The following SV2C variants were observed in gnomAD, a reference collection of about 807,000 sequenced individuals.
SV2C encodes synaptic vesicle glycoprotein 2C, also known as solute carrier family 22 member B3.
A neutral mutation model predicts 79.7 loss-of-function variants in SV2C; 49 were observed. The observed-to-expected ratio is 0.61, with a 90% CI of 0.49 to 0.78. SV2C has a LOEUF of 0.78. Ranked by LOEUF, SV2C falls within the 30% of genes least tolerant of loss-of-function variation. The probability of loss-of-function intolerance (pLI) is 0.00; values close to 1 mark genes in which losing one functional copy is unlikely to be tolerated. For synonymous variants in SV2C, 334 were observed against 333.2 expected (o/e 1.00, Z -0.03); for missense variants, 833 against 912.9 (o/e 0.91, Z 1.13).
At chr5:76,030,909 T>C in the SV2C span, among the ~76,000 whole-genome samples, 6 of 152,274 alleles carry the variant, frequency 3.9e-5, 1 homozygote, top group South Asian at 1.2e-3. Context: ...TAGTTAATAA[T>C]AAGTATGATA....
Position 76,205,402 on chromosome 5 carries a change from C to T in SV2C, c.762-4334C>T, listed in dbSNP as rs573202826. ...TTGAATCTGGCTAATCTCACACCTACGTAGAGTGTGAATTTCTATTATTAT... is the reference window on the plus strand; with the variant it reads ...TTGAATCTGGCTAATCTCACACCTATGTAGAGTGTGAATTTCTATTATTAT... On this transcript the variant is annotated intron_variant, in intron 3 of 12. Transcript: ENST00000502798. 1.1e-3 allele frequency among the ~76,000 whole-genome samples: 161 copies of T among 152,104 alleles called. 2 individuals are homozygous for T. Among genetic ancestry groups the T allele is most frequent in the Non-Finnish European group, 2.1e-3 (145 of 68,010 alleles).
the SV2C span, among the ~76,000 whole-genome samples, chr5:76,054,209 G>C: frequency 5.9e-5 from 9 of 152,208 alleles, no homozygotes; most frequent in African/African-American, 2.2e-4. Flanking sequence ...TGTTCCCATT[G>C]TTCCACACCC....
At chr5:76,001,482 G>C in the SV2C span, among the ~76,000 whole-genome samples, 1 of 151,832 alleles carries the variant, frequency 6.6e-6, no homozygotes, top group African/African-American at 2.4e-5. Context: ...GGCACCTGTG[G>C]TCCCAGCTAC....
intron 8 of SV2C, among the ~76,000 whole-genome samples, chr5:76,294,516 G>T (rs2112510950): frequency 6.6e-6 from 1 of 152,192 alleles, no homozygotes. Context: ...TGACCAGGCT[G>T]GTCTCGATCT....
At position 76,173,543 on chromosome 5, in the gene SV2C, A is replaced by T. The variant is rs1485798242; in HGVS notation, c.581-21376A>T. ...AGGAAAGTCCATTTAAGATGTTGGT[A>T]GGTTTAACAAAGTTGGAATGCTGGC... On this transcript the variant is annotated intron_variant, in intron 2 of 12. Transcript: ENST00000502798. The T allele has an allele frequency of 5.3e-6, 7 of 1,313,584 alleles. No homozygotes were observed. The African/African-American group carries it at 1.0e-4, about 19-fold the overall frequency. 81.4% of individuals were successfully genotyped at this position (1,313,584 alleles called of 1,614,324 possible).
At chr5:76,217,727 GT>G (rs1338241749) in intron 4 of SV2C, among the ~76,000 whole-genome samples, 1 of 151,544 alleles carries the variant, frequency 6.6e-6, no homozygotes, top group East Asian at 1.9e-4. Flanking sequence ...CCTGCCTAAA[GT>G]TTGAGATTAG....
chr5:76,240,831 A>G (rs1745761921), intron 4 of SV2C, among the ~76,000 whole-genome samples: 1 of 152,238 alleles, frequency 6.6e-6, no homozygotes, highest in Non-Finnish European at 1.5e-5. Flanking sequence ...AGTAATGTAA[A>G]TATAAAATGA....
downstream of SV2C, among the ~76,000 whole-genome samples, chr5:76,338,783 G>A (rs1032646220): frequency 9.3e-5 from 14 of 150,742 alleles, no homozygotes; most frequent in African/African-American, 2.7e-4. Flanking sequence ...TCAGCCTCCC[G>A]AGTAGCTGGG....
At chr5:76,075,685 G>C in the SV2C span, 1 of 349,456 alleles carries the variant, frequency 2.9e-6, no homozygotes, top group Non-Finnish European at 5.9e-6. Flanking sequence ...GACTAGATTA[G>C]TAAAAGAAGT....
chr5:75,981,283 C>A, the SV2C span, among the ~76,000 whole-genome samples: 27 of 152,160 alleles, frequency 1.8e-4, no homozygotes, highest in African/African-American at 6.3e-4. Context: ...ATTAAAATGT[C>A]TATACTGCCC....
chr5:76,187,543 C>G (rs571104820), intron 2 of SV2C, among the ~76,000 whole-genome samples: 3 of 152,250 alleles, frequency 2.0e-5, no homozygotes, highest in Non-Finnish European at 2.9e-5. Flanking sequence ...TAAATATTCT[C>G]TCATGCAAAT....
the SV2C span, among the ~76,000 whole-genome samples, chr5:76,033,230 G>T: frequency 3.3e-5 from 5 of 151,854 alleles, no homozygotes. Context: ...TTCTTTTGCT[G>T]TGCAGAAGCT....
chr5:76,285,019 C>A, intron 4 of SV2C, 143 bp from the exon 5 acceptor site: 1 of 1,233,602 alleles, frequency 8.1e-7, no homozygotes, highest in Non-Finnish European at 1.1e-6. Context: ...AGCTGGCCAC[C>A]ATGGATGATG....
intron 1 of SV2C, among the ~76,000 whole-genome samples, chr5:76,099,352 G>A (rs1747663644): frequency 7.2e-6 from 1 of 138,696 alleles, no homozygotes; most frequent in Non-Finnish European, 1.5e-5. Context: ...CCATATTAGT[G>A]CTTTCTTTTG....
At chr5:75,994,080 C>T in the SV2C span, among the ~76,000 whole-genome samples, 27 of 152,194 alleles carry the variant, frequency 1.8e-4, no homozygotes, top group Admixed American at 1.6e-3. Flanking sequence ...CAAGGACTGG[C>T]TGGGCTTAAT....
chr5:76,173,987 G>T (rs200268981), intron 2 of SV2C: 40,512 of 1,555,444 alleles, frequency 0.026, 623 homozygotes, highest in Non-Finnish European at 0.032. Context: ...ATCCCTCATT[G>T]CTGTAAATTG....
chr5:76,151,084 G>C (rs527821182), intron 2 of SV2C, among the ~76,000 whole-genome samples: 2 of 152,324 alleles, frequency 1.3e-5, no homozygotes, highest in South Asian at 4.1e-4. Flanking sequence ...GATTCATTCT[G>C]TTTGAAGGAG....
At chr5:76,046,241 C>A in the SV2C span, among the ~76,000 whole-genome samples, 2,095 of 152,158 alleles carry the variant, frequency 0.014, 20 homozygotes, top group Non-Finnish European at 0.02. Context: ...GAAACTAAGA[C>A]ACTTTGATCT....
intron 1 of SV2C, among the ~76,000 whole-genome samples, chr5:76,108,079 G>T (rs1747981634): frequency 6.6e-6 from 1 of 152,082 alleles, no homozygotes. Context: ...TGTTTTTCAG[G>T]ATACTTTTTT....
Sources: allele counts gnomAD v4.1 joint callset (sites outside exome capture counted in the v4.1 genomes callset), GRCh38; gene constraint gnomAD v4.1.1; transcripts MANE v1.5; gene names NCBI Gene and HGNC (gene_info 2026-07-23, HGNC 2026-07-21).